RUNX1: variants seen among roughly 807,000 people sequenced by gnomAD.
The protein encoded by RUNX1 is RUNX family transcription factor 1.
A neutral mutation model predicts 42.8 loss-of-function variants in RUNX1; 19 were observed. The observed-to-expected ratio is 0.44, with a 90% confidence interval of 0.31 to 0.65. RUNX1 has a LOEUF of 0.65. Ranked by LOEUF, RUNX1 falls within the 30% of genes least tolerant of loss-of-function variation. The pLI is 0.07. For missense variants in RUNX1, 528 were observed against 672.0 expected (o/e 0.79, Z 2.37); for synonymous variants, 271 against 289.4 (o/e 0.94, Z 0.64).
intron 8 of RUNX1, among the ~76,000 whole-genome samples, chr21:34,798,648 ACTTTT>A (rs1379835575): frequency 1.3e-5 from 2 of 152,198 alleles, no homozygotes; most frequent in African/African-American, 4.8e-5. Flanking sequence ...ACATATACAG[ACTTTT>A]CTTCTTGTCA....
intron 5 of RUNX1, among the ~76,000 whole-genome samples, chr21:34,865,589 C>T (rs1289823955): frequency 3.3e-5 from 5 of 152,166 alleles, no homozygotes; most frequent in Admixed American, 6.5e-5. Flanking sequence ...CCTGGACACT[C>T]GCTGCCATGA....
At chr21:34,961,657 C>T (rs2058682758) in intron 2 of RUNX1, among the ~76,000 whole-genome samples, 1 of 152,254 alleles carries the variant, frequency 6.6e-6, no homozygotes, top group African/African-American at 2.4e-5. Context: ...CTAATAACGA[C>T]ACCTGGCCGT....
intron 7 of RUNX1, 125 bp from the exon 8 acceptor site, chr21:34,799,587 G>T: frequency 1.3e-6 from 1 of 780,484 alleles, no homozygotes; most frequent in Non-Finnish European, 2.1e-6. Context: ...TATGTACCAG[G>T]GTTTAATAAG....
At chr21:34,949,676 A>T (rs1302353175) in intron 2 of RUNX1, among the ~76,000 whole-genome samples, 1 of 152,250 alleles carries the variant, frequency 6.6e-6, no homozygotes, top group African/African-American at 2.4e-5. Flanking sequence ...CGCGCCAGCG[A>T]GGGCAGGCTG....
chr21:34,960,664 G>A (rs2146703410), intron 2 of RUNX1, among the ~76,000 whole-genome samples: 1 of 152,290 alleles, frequency 6.6e-6, no homozygotes, highest in South Asian at 2.1e-4. Flanking sequence ...TTGGTGCTTG[G>A]TGGCTGCAAC....
intron 7 of RUNX1, among the ~76,000 whole-genome samples, chr21:34,804,899 G>A (rs763325105): frequency 1.6e-4 from 24 of 151,908 alleles, no homozygotes; most frequent in Admixed American, 2.6e-4. Context: ...CTGCCACCAC[G>A]CCCAGCTATT....
chr21:34,941,858 T>C (rs560797853), intron 2 of RUNX1, among the ~76,000 whole-genome samples: 25 of 151,302 alleles, frequency 1.7e-4, no homozygotes, highest in African/African-American at 6.1e-4. Context: ...GGTTGGAAGA[T>C]TCTTTAATGA....
rs76379956 is a variant in RUNX1 at position 34,860,957 on chromosome 21, A to G, written c.509-1379T>C. On this transcript the variant is annotated intron_variant, in intron 5 of 8. Transcript: ENST00000675419. ...ATAAAAAGAGCAATAGCAAGTAACA[A>G]TTAGATGATGAAGGCTGCTCTGCCC... Among the ~76,000 whole-genome samples, 1,456 of 152,324 alleles carry G rather than the reference A, an allele frequency of 9.6e-3. 21 individuals carry two copies. The highest frequency in any genetic ancestry group is 0.032 in the African/African-American group (1,333 of 41,560).
intron 6 of RUNX1, chr21:34,856,141 A>G: frequency 2.8e-6 from 1 of 355,272 alleles, no homozygotes; most frequent in Non-Finnish European, 5.5e-6. Flanking sequence ...GAGGGGAGGG[A>G]TGCATCAAGT....
At chr21:35,010,569 A>G (rs2059118414) in intron 2 of RUNX1, among the ~76,000 whole-genome samples, 1 of 152,006 alleles carries the variant, frequency 6.6e-6, no homozygotes, top group East Asian at 1.9e-4. Flanking sequence ...TTGTTAAATG[A>G]ATCAACAGGT....
chr21:34,794,727 T>C (rs1569004838), intron 8 of RUNX1, among the ~76,000 whole-genome samples: 2 of 152,240 alleles, frequency 1.3e-5, no homozygotes. Context: ...TCCCTATATC[T>C]GTAGATCAGA....
chr21:34,961,575 T>A (rs1056556035), intron 2 of RUNX1, among the ~76,000 whole-genome samples: 1 of 152,160 alleles, frequency 6.6e-6, no homozygotes, highest in Non-Finnish European at 1.5e-5. Context: ...AGCCTATCAC[T>A]TTCTTTAACA....
chr21:34,836,381 A>G (rs1010852155), intron 6 of RUNX1, among the ~76,000 whole-genome samples: 4 of 152,160 alleles, frequency 2.6e-5, no homozygotes, highest in African/African-American at 9.7e-5. Flanking sequence ...TCTTTTTTCT[A>G]GAGCGCTCTG....
At chr21:35,030,893 T>C (rs575722290) in intron 2 of RUNX1, among the ~76,000 whole-genome samples, 47 of 152,186 alleles carry the variant, frequency 3.1e-4, no homozygotes, top group African/African-American at 1.1e-3. Flanking sequence ...AAATAAATAA[T>C]GTGATTTAAA....
intron 8 of RUNX1, among the ~76,000 whole-genome samples, chr21:34,796,770 G>A (rs1009262531): frequency 1.3e-5 from 2 of 152,002 alleles, no homozygotes; most frequent in African/African-American, 4.8e-5. Context: ...GCTGTCTGTC[G>A]CCCAGGTTGG....
At chr21:34,858,710 C>T (rs2057528782) in intron 6 of RUNX1, among the ~76,000 whole-genome samples, 1 of 152,150 alleles carries the variant, frequency 6.6e-6, no homozygotes, top group Admixed American at 6.5e-5. Context: ...GGCGGGGGTG[C>T]TGGGCAGTTC....
chr21:34,881,337 G>GA (rs1479874561), intron 4 of RUNX1, among the ~76,000 whole-genome samples: 3 of 152,124 alleles, frequency 2.0e-5, no homozygotes, highest in Non-Finnish European at 4.4e-5. Context: ...TCTTGCTGAC[G>GA]ATTCTTAAGT....
chr21:34,956,965 C>T (rs1390202550), intron 2 of RUNX1, among the ~76,000 whole-genome samples: 58 of 152,200 alleles, frequency 3.8e-4, no homozygotes, highest in Admixed American at 3.5e-3. Flanking sequence ...ATGATTTCCA[C>T]GTGGCAGGGC....
At chr21:35,036,947 C>T (rs2059312861) in intron 2 of RUNX1, among the ~76,000 whole-genome samples, 2 of 152,134 alleles carry the variant, frequency 1.3e-5, no homozygotes, top group African/African-American at 2.4e-5. Flanking sequence ...GTGGCAGGCC[C>T]CTGATTGCTG....
Sources: gnomAD v4.1 joint callset for allele counts (sites outside exome capture counted in the v4.1 genomes callset) on GRCh38, gnomAD v4.1.1 for gene constraint, MANE v1.5 for transcripts, NCBI Gene and HGNC (gene_info 2026-07-23, HGNC 2026-07-21) for gene names.